Variants in FBXO34 observed in about 807,000 individuals in gnomAD.
The protein encoded by FBXO34 is F-box only protein 34.
Under a neutral mutation model 24.5 loss-of-function variants are expected in FBXO34, and 12 were observed. The ratio of observed to expected loss-of-function variants is 0.49; its 90% CI spans 0.31 to 0.79. The LOEUF is 0.79. Ranked by LOEUF, FBXO34 falls within the 30% of genes least tolerant of loss-of-function variation. The probability of loss-of-function intolerance (pLI) is 0.04; values close to 1 mark genes in which losing one functional copy is unlikely to be tolerated. For synonymous variants in FBXO34, 320 were observed against 311.9 expected, an observed-to-expected ratio of 1.03 and a Z score of -0.27; for missense variants, 823 against 857.7, an observed-to-expected ratio of 0.96 and a Z score of 0.51.
chr14:55,323,017 C>CAAAAAAAAAAAAAAAAAAA (rs1444620301), intron 1 of FBXO34, among the ~76,000 whole-genome samples: 6 of 40,868 alleles, frequency 1.5e-4, no homozygotes, highest in African/African-American at 2.0e-4. Flanking sequence ...ACTAAAAATA[C>CAAAAAAAAAAAAAAAAAAA]AAAAAAAAAA....
At chr14:55,382,103 G>A in the FBXO34 span, 57 of 1,614,092 alleles carry the variant, frequency 3.5e-5, no homozygotes, top group Non-Finnish European at 4.8e-5. Context: ...CGTCCTGAGA[G>A]GTAAGTTGTC....
At chr14:55,384,421 T>C in the FBXO34 span, among the ~76,000 whole-genome samples, 1 of 152,342 alleles carries the variant, frequency 6.6e-6, no homozygotes, top group Admixed American at 6.5e-5. Flanking sequence ...ATTAACTAAT[T>C]TACAGACCTT....
the FBXO34 span, chr14:55,435,963 A>G: frequency 1.5e-6 from 2 of 1,354,566 alleles, no homozygotes; most frequent in Non-Finnish European, 1.0e-6. Context: ...TTAGAAACTT[A>G]TATCAGATAT....
At chr14:55,364,622 T>G (rs1316557137), downstream of FBXO34, among the ~76,000 whole-genome samples, 2 of 151,200 alleles carry the variant, frequency 1.3e-5, no homozygotes, top group East Asian at 3.9e-4. Context: ...AGAGATGGGG[T>G]TTTGCCATGT....
At chr14:55,332,271 C>G (rs141089475) in intron 1 of FBXO34, among the ~76,000 whole-genome samples, 9 of 152,002 alleles carry the variant, frequency 5.9e-5, no homozygotes, top group African/African-American at 1.9e-4. Flanking sequence ...TGCACGAGCT[C>G]TAAAGTACAT....
At chr14:55,416,771 A>G in the FBXO34 span, among the ~76,000 whole-genome samples, 3 of 152,222 alleles carry the variant, frequency 2.0e-5, no homozygotes, top group Non-Finnish European at 4.4e-5. Context: ...TTAGCAGACA[A>G]TGAAGCATAA....
the FBXO34 span, chr14:55,380,640 C>T: frequency 6.2e-7 from 1 of 1,613,500 alleles, no homozygotes; most frequent in Non-Finnish European, 8.5e-7. Context: ...AGCTGAGTTG[C>T]ATAGCACAGC....
In FBXO34 at chr14:55,351,814, A is replaced by G. The variant is rs776679827; in HGVS notation, c.1424A>G (p.Glu475Gly). ...CAGCCTTCCATTTTAAACTCCTGTG[A>G]AGACCCAGTTCCAGGGATGTTGTTT... ...KDQPSILNSC[E>G]DPVPGMLFFL... The change falls in exon 2 of 2, where the codon GAA becomes GGA. Residue 475 changes from glutamate (E) to glycine (G), a missense_variant. Physicochemically the swap from Glu to Gly is moderately conservative, Grantham distance 98. Around this residue, in one of 2 missense-constraint regions of FBXO34, gnomAD observed 693 missense variants for 659.1 expected, o/e 1.05. Coordinates refer to ENST00000313833, the MANE Select transcript of FBXO34 (RefSeq NM_017943.4). The G allele has an allele frequency of 2.5e-6, 4 of 1,614,194 alleles. No individual in the cohort carries two copies. The South Asian group carries it at 3.3e-5, about 13-fold the overall frequency.
the FBXO34 span, chr14:55,380,453 G>A: frequency 7.6e-6 from 5 of 657,820 alleles, no homozygotes; most frequent in East Asian, 8.3e-5. Flanking sequence ...ATTTCAATCC[G>A]ACCTTCTCTG....
rs1415512490 is a variant in FBXO34 at position 55,351,723 on chromosome 14, C to A, written c.1333C>A (p.Arg445=). 5 of 1,614,044 alleles carry A rather than the reference C, an allele frequency of 3.1e-6. No homozygotes were observed. Among genetic ancestry groups the A allele is most frequent in the Non-Finnish European group, 4.2e-6 (5 of 1,180,042 alleles). ...CAGAGAGCTTGTGTCCCTTACTAGC[C>A]GAAATCCTGATCAAAGAAAAGAATC... ...MSRELVSLTS[R]NPDQRKESLC... Residue 445 remains arginine (R), a synonymous_variant, in exon 2 of 2, where the codon CGA becomes AGA. Coordinates refer to ENST00000313833, the MANE Select transcript of FBXO34 (RefSeq NM_017943.4).
Position 55,351,725 on chromosome 14 carries a change from A to G in FBXO34, c.1335A>G (p.Arg445=). 1 of 1,614,220 alleles carries G rather than the reference A, an allele frequency of 6.2e-7. No individual in the cohort carries two copies. Among genetic ancestry groups the G allele is most frequent in the Non-Finnish European group, 8.5e-7 (1 of 1,180,044 alleles). Reference sequence around the variant, plus strand: ...GAGAGCTTGTGTCCCTTACTAGCCGAAATCCTGATCAAAGAAAAGAATCTT... The same window carrying G: ...GAGAGCTTGTGTCCCTTACTAGCCGGAATCCTGATCAAAGAAAAGAATCTT... The part of the protein sequence containing the change: ...MSRELVSLTS[R]NPDQRKESLC... The change falls in exon 2 of 2, where the codon CGA becomes CGG. Residue 445 remains arginine (R), a synonymous_variant. Transcript: ENST00000313833.
At chr14:55,276,273 T>G (rs1461975003) in intron 1 of FBXO34, among the ~76,000 whole-genome samples, 1 of 152,220 alleles carries the variant, frequency 6.6e-6, no homozygotes, top group East Asian at 1.9e-4. Flanking sequence ...AGTGAAACAT[T>G]TCATTCATTA....
chr14:55,305,044 C>G (rs1449489584), intron 1 of FBXO34, among the ~76,000 whole-genome samples: 1 of 152,174 alleles, frequency 6.6e-6, no homozygotes, highest in African/African-American at 2.4e-5. Context: ...AGATTTCTCT[C>G]ACACCAGCAT....
At chr14:55,298,988 A>C in intron 1 of FBXO34, 1 of 1,608,038 alleles carries the variant, frequency 6.2e-7, no homozygotes, top group Non-Finnish European at 8.5e-7. Flanking sequence ...ACATCGATAA[A>C]GTTGATGAGT....
chr14:55,326,086 G>A (rs1011059705), intron 1 of FBXO34: 1 of 152,220 alleles, frequency 6.6e-6, no homozygotes, highest in Non-Finnish European at 1.5e-5. Flanking sequence ...TATTCAAGGT[G>A]TTTCTAAACA....
chr14:55,419,337 A>T, the FBXO34 span, among the ~76,000 whole-genome samples: 1 of 152,272 alleles, frequency 6.6e-6, no homozygotes, highest in African/African-American at 2.4e-5. Flanking sequence ...AGTCCTTATG[A>T]AGCAGTGTCT....
chr14:55,307,137 T>A (rs1193706936), intron 1 of FBXO34, among the ~76,000 whole-genome samples: 1 of 152,242 alleles, frequency 6.6e-6, no homozygotes, highest in Non-Finnish European at 1.5e-5. Flanking sequence ...ACATTGCCAT[T>A]GTCTTTAAAA....
chr14:55,291,686 AT>A (rs957963022), intron 1 of FBXO34, among the ~76,000 whole-genome samples: 1 of 152,144 alleles, frequency 6.6e-6, no homozygotes, highest in Non-Finnish European at 1.5e-5. Context: ...ACCCCAACAA[AT>A]TAGACAGGTG....
chr14:55,409,679 C>A, the FBXO34 span, among the ~76,000 whole-genome samples: 1 of 151,972 alleles, frequency 6.6e-6, no homozygotes, highest in Non-Finnish European at 1.5e-5. Flanking sequence ...TGAGGACAGA[C>A]AAGGAGGCCA....
Sources: gnomAD v4.1 joint callset for allele counts (sites outside exome capture counted in the v4.1 genomes callset) on GRCh38, gnomAD v4.1.1 for gene constraint, gnomAD v4.1.1 regional missense constraint, MANE v1.5 for transcripts, NCBI Gene and HGNC (gene_info 2026-07-23, HGNC 2026-07-21) for gene names.